Variants in PCDH15 observed in about 807,000 individuals in gnomAD.
The protein encoded by PCDH15 is protocadherin related 15, also known as protocadherin-15.
A neutral mutation model predicts 178.5 loss-of-function variants in PCDH15; 129 were observed. That is an observed-to-expected ratio of 0.72 (90% CI 0.63 to 0.84). PCDH15 has a LOEUF of 0.84. Ranked by LOEUF, PCDH15 falls within the 40% of genes least tolerant of loss-of-function variation. The pLI is 0.00. For synonymous variants in PCDH15, 800 were observed against 732.0 expected (o/e 1.09, Z -1.50); for missense variants, 2,230 against 2,099.9 (o/e 1.06, Z -1.21).
chr10:54,855,367 G>T (rs750693205), intron 3 of PCDH15, among the ~76,000 whole-genome samples: 2 of 152,164 alleles, frequency 1.3e-5, no homozygotes, highest in Non-Finnish European at 2.9e-5. Context: ...CACAGCCATG[G>T]CTTGGGCAGC....
At chr10:55,433,515 C>T (rs953117345) in intron 2 of PCDH15, among the ~76,000 whole-genome samples, 8 of 152,012 alleles carry the variant, frequency 5.3e-5, no homozygotes, top group Non-Finnish European at 1.2e-4. Flanking sequence ...CACCAAATCC[C>T]GATGACATGC....
intron 10 of PCDH15, 142 bp from the exon 11 acceptor site, chr10:54,196,031 A>AAAAT: frequency 1.4e-6 from 1 of 703,352 alleles, no homozygotes; most frequent in Non-Finnish European, 2.4e-6. Flanking sequence ...GGGCCATTTG[A>AAAAT]AAATATAAAT....
rs896613520 is a variant in PCDH15 at position 54,373,439 on chromosome 10, G to A, written c.319-4164C>T. Reference sequence around the variant, plus strand: ...AAAAGCAAACTTAAAGGAAATGGCTGGCCAGAGTTGTCAGTGTCCTTCACA... The same window carrying A: ...AAAAGCAAACTTAAAGGAAATGGCTAGCCAGAGTTGTCAGTGTCCTTCACA... On this transcript the variant is annotated intron_variant, in intron 4 of 37. Coordinates refer to ENST00000644397, the MANE Select transcript of PCDH15 (RefSeq NM_001384140.1). 2.0e-5 allele frequency among the ~76,000 whole-genome samples: 3 copies of A among 151,908 alleles called. No homozygotes were observed. The Admixed American group carries it at 2.0e-4, about 10-fold the overall frequency.
intron 1 of PCDH15, among the ~76,000 whole-genome samples, chr10:54,723,054 T>G (rs1346103584): frequency 1.3e-5 from 2 of 151,630 alleles, no homozygotes; most frequent in African/African-American, 2.4e-5. Context: ...ATCTTAATGT[T>G]TAGATGGAAG....
chr10:55,379,772 C>A (rs928124186), intron 2 of PCDH15, among the ~76,000 whole-genome samples: 1 of 151,846 alleles, frequency 6.6e-6, no homozygotes, highest in Non-Finnish European at 1.5e-5. Flanking sequence ...GTATAAAGGG[C>A]AACAAAGTGT....
At chr10:53,812,856 A>C (rs1246280498) in intron 35 of PCDH15, among the ~76,000 whole-genome samples, 2 of 152,188 alleles carry the variant, frequency 1.3e-5, no homozygotes, top group Non-Finnish European at 2.9e-5. Flanking sequence ...TATTTATAAA[A>C]ATTTAATTTT....
chr10:55,518,623 C>A (rs1277114791), intron 2 of PCDH15, among the ~76,000 whole-genome samples: 1 of 151,908 alleles, frequency 6.6e-6, no homozygotes, highest in Admixed American at 6.6e-5. Context: ...TAAACACATG[C>A]CTTTCCCTTC....
chr10:54,830,141 G>A (rs991702720), intron 3 of PCDH15, among the ~76,000 whole-genome samples: 2 of 152,098 alleles, frequency 1.3e-5, no homozygotes, highest in Non-Finnish European at 2.9e-5. Flanking sequence ...TGGTGGGACT[G>A]TAAACTAGTT....
intron 1 of PCDH15, among the ~76,000 whole-genome samples, chr10:55,216,368 CTT>C (rs1449473648): frequency 2.6e-5 from 4 of 151,802 alleles, no homozygotes; most frequent in Non-Finnish European, 4.4e-5. Flanking sequence ...AATTGTATCT[CTT>C]TGTTAGAAGT....
rs115699383 is a variant in PCDH15, at chr10:55,138,043, T to G, written c.-80+28533A>C. On this transcript the variant is annotated intron_variant, in intron 2 of 5. Transcript: ENST00000458638. ...AGGTACTTTTCTAGATGCAGGTAAG[T>G]TTTGCTAGTTAGATGCACTTACTTG... 5.5e-3 allele frequency among the ~76,000 whole-genome samples: 836 copies of G among 152,224 alleles called. 8 individuals carry two copies. Among genetic ancestry groups the G allele is most frequent in the African/African-American group, 0.019 (786 of 41,528 alleles).
At chr10:55,006,069 C>T (rs549080880) in intron 2 of PCDH15, among the ~76,000 whole-genome samples, 1 of 152,066 alleles carries the variant, frequency 6.6e-6, no homozygotes, top group Admixed American at 6.6e-5. Flanking sequence ...ACTTATCCAT[C>T]ACCACACAAA....
At chr10:55,251,181 G>A (rs374553500) in intron 1 of PCDH15, among the ~76,000 whole-genome samples, 4 of 151,914 alleles carry the variant, frequency 2.6e-5, no homozygotes, top group East Asian at 1.9e-4. Flanking sequence ...AGTTTTACTT[G>A]TACTCATTTG....
chr10:55,001,220 T>C (rs1278716905), intron 2 of PCDH15, among the ~76,000 whole-genome samples: 1 of 152,212 alleles, frequency 6.6e-6, no homozygotes, highest in Admixed American at 6.5e-5. Flanking sequence ...TCCTGAGAGC[T>C]GTTCTGTTGC....
At position 54,966,812 on chromosome 10, in the gene PCDH15, A is replaced by G. The variant is rs182896466; in HGVS notation, c.-79-69312T>C. ...TCCACCATGATTGTGAGGCCTTCCC[A>G]GCCACGTGGAACTGTGAGTCCATGT... On this transcript the variant is annotated intron_variant, in intron 2 of 5. Transcript: ENST00000458638. Among the ~76,000 whole-genome samples, 40 of 152,226 alleles carry G rather than the reference A, an allele frequency of 2.6e-4. No individual in the cohort carries two copies. In the East Asian group the frequency reaches 6.4e-3, roughly 24 times the overall value.
chr10:54,632,380 G>A (rs895615499), intron 2 of PCDH15, among the ~76,000 whole-genome samples: 2 of 152,036 alleles, frequency 1.3e-5, no homozygotes, highest in African/African-American at 4.8e-5. Context: ...AAAACTCAGT[G>A]TCACACAATA....
rs369889893 is a variant in PCDH15, at chr10:54,271,174, G to T, written c.877-34243C>A. On this transcript the variant is annotated intron_variant, in intron 8 of 37. Transcript: ENST00000644397. ...TGTATATAATTTAAATTTTAAAATT[G>T]TTTATATTTCTTTCACATAATTATG... 2.6e-5 allele frequency among the ~76,000 whole-genome samples: 4 copies of T among 151,918 alleles called. No homozygotes were observed. The East Asian group carries it at 7.7e-4, about 29-fold the overall frequency.
chr10:54,988,943 G>T (rs1015356554), intron 2 of PCDH15, among the ~76,000 whole-genome samples: 3 of 152,104 alleles, frequency 2.0e-5, no homozygotes, highest in African/African-American at 2.4e-5. Context: ...TGAGACCTAG[G>T]CAGAAAAAGT....
intron 18 of PCDH15, among the ~76,000 whole-genome samples, chr10:54,044,557 T>C (rs774757417): frequency 8.5e-5 from 13 of 152,108 alleles, no homozygotes; most frequent in Non-Finnish European, 1.5e-4. Context: ...AGTGTCAATG[T>C]GAGTGGAAGA....
intron 2 of PCDH15, among the ~76,000 whole-genome samples, chr10:55,548,022 G>A (rs1424266014): frequency 6.6e-6 from 1 of 151,640 alleles, no homozygotes; most frequent in East Asian, 1.9e-4. Context: ...TGCCAGAGTT[G>A]AGAAGCCATT....
Sources: allele counts gnomAD v4.1 joint callset (sites outside exome capture counted in the v4.1 genomes callset), GRCh38; gene constraint gnomAD v4.1.1; transcripts MANE v1.5; gene names NCBI Gene and HGNC (gene_info 2026-07-23, HGNC 2026-07-21).